Variants in HECW1 observed in about 807,000 individuals in gnomAD.
HECW1 encodes the protein E3 ubiquitin-protein ligase HECW1.
HECW1 carries 61 observed loss-of-function variants against 182.3 expected under a neutral mutation model. That is an observed-to-expected ratio of 0.33 (90% CI 0.27 to 0.41). The LOEUF is 0.41. Ranked by LOEUF, HECW1 falls within the 10% of genes least tolerant of loss-of-function variation. HECW1 has a pLI of 1.00. For missense variants in HECW1, 1,739 were observed against 2,108.9 expected, an observed-to-expected ratio of 0.82 and a Z score of 3.44; for synonymous variants, 859 against 832.6, an observed-to-expected ratio of 1.03 and a Z score of -0.55.
intron 3 of HECW1, among the ~76,000 whole-genome samples, chr7:43,248,268 G>T (rs1799639234): frequency 6.6e-6 from 1 of 152,140 alleles, no homozygotes; most frequent in Admixed American, 6.5e-5. Context: ...CACAGAATGG[G>T]CATTGTTACA....
chr7:43,508,517 T>G (rs570708534), intron 23 of HECW1, among the ~76,000 whole-genome samples: 2 of 152,270 alleles, frequency 1.3e-5, no homozygotes, highest in East Asian at 3.9e-4. Context: ...ACCTCAACCA[T>G]GAAGGGCAAG....
intron 24 of HECW1, among the ~76,000 whole-genome samples, chr7:43,517,545 A>T (rs1255048254): frequency 3.3e-5 from 5 of 152,196 alleles, no homozygotes; most frequent in African/African-American, 1.2e-4. Flanking sequence ...CCCGGATAAC[A>T]CATTTTAAAT....
At position 43,432,746 on chromosome 7, in the gene HECW1, C is replaced by T. The variant is rs564079803; in HGVS notation, c.802-5257C>T. On this transcript the variant is annotated intron_variant, in intron 8 of 29. Coordinates refer to ENST00000395891, the MANE Select transcript of HECW1 (RefSeq NM_015052.5). This position sits in a 1 kb window ranked among gnomAD's most constrained non-coding sequence, Gnocchi z 4.1. ...ACTCTCCTAATCTCTGCCTAAATTG[C>T]TCATTATGCAACTGCTACCAGTTTA... Among the ~76,000 whole-genome samples, 33 of 152,212 alleles carry T rather than the reference C, an allele frequency of 2.2e-4. No individual in the cohort carries two copies. Among genetic ancestry groups the T allele is most frequent in the Non-Finnish European group, 4.3e-4 (29 of 68,034 alleles).
chr7:43,507,408 T>A, intron 22 of HECW1, 151 bp downstream of exon 22: 1 of 688,288 alleles, frequency 1.5e-6, no homozygotes, highest in Non-Finnish European at 2.3e-6. Context: ...GTTGGGAAGC[T>A]GGAAGGAAAG....
At chr7:43,225,807 C>G (rs57755987) in intron 2 of HECW1, among the ~76,000 whole-genome samples, 33,858 of 151,196 alleles carry the variant, frequency 0.22, 4,131 homozygotes, top group Non-Finnish European at 0.27. Flanking sequence ...TTTTTTGGGA[C>G]AGGGTCTCAC....
intron 3 of HECW1, among the ~76,000 whole-genome samples, chr7:43,247,314 G>C (rs1008003539): frequency 2.0e-5 from 3 of 152,174 alleles, no homozygotes; most frequent in Non-Finnish European, 4.4e-5. Flanking sequence ...GAAGAATAGG[G>C]CACTAAAATT....
At chr7:43,148,710 T>G (rs1366943893) in intron 2 of HECW1, 2 of 152,022 alleles carry the variant, frequency 1.3e-5, no homozygotes, top group Non-Finnish European at 2.9e-5. Flanking sequence ...GGTCTGGCTC[T>G]GCTGCTAACT....
chr7:43,304,778 G>C (rs1267317124), intron 3 of HECW1, among the ~76,000 whole-genome samples: 1 of 152,216 alleles, frequency 6.6e-6, no homozygotes, highest in Non-Finnish European at 1.5e-5. Flanking sequence ...ACAGGCGTGA[G>C]CCATAGCACC....
chr7:43,359,463 T>C (rs924645519), intron 5 of HECW1, among the ~76,000 whole-genome samples: 2 of 152,242 alleles, frequency 1.3e-5, no homozygotes, highest in Non-Finnish European at 2.9e-5. Context: ...GAGAAAAGCC[T>C]GAATTTCCAA....
chr7:43,220,002 A>G (rs893806828), intron 2 of HECW1, among the ~76,000 whole-genome samples: 2 of 152,150 alleles, frequency 1.3e-5, no homozygotes, highest in Non-Finnish European at 2.9e-5. Context: ...TCTGACACCA[A>G]CTACCTGGTG....
intron 2 of HECW1, among the ~76,000 whole-genome samples, chr7:43,194,843 GC>G (rs1251398772): frequency 6.6e-6 from 1 of 152,000 alleles, no homozygotes; most frequent in African/African-American, 2.4e-5. Context: ...ACAGGCGCCT[GC>G]CCCCACACCT....
intron 11 of HECW1, among the ~76,000 whole-genome samples, chr7:43,450,118 C>T (rs150808907): frequency 2.1e-3 from 313 of 152,262 alleles, no homozygotes; most frequent in African/African-American, 6.9e-3. Flanking sequence ...CTGTCGCCGT[C>T]TTTCTGCTTT....
At chr7:43,499,292 A>C (rs1293215568) in intron 19 of HECW1, among the ~76,000 whole-genome samples, 4 of 152,082 alleles carry the variant, frequency 2.6e-5, no homozygotes, top group Non-Finnish European at 5.9e-5. Flanking sequence ...CAAAAAAATA[A>C]AAAATTTTTT....
At chr7:43,307,212 T>A (rs1057148385) in intron 3 of HECW1, among the ~76,000 whole-genome samples, 2 of 152,230 alleles carry the variant, frequency 1.3e-5, no homozygotes, top group Admixed American at 6.5e-5. Flanking sequence ...ATGCTTGACA[T>A]AGCCCGTAAC....
At chr7:43,379,734 C>A (rs112372652) in intron 6 of HECW1, among the ~76,000 whole-genome samples, 1 of 152,272 alleles carries the variant, frequency 6.6e-6, no homozygotes, top group Non-Finnish European at 1.5e-5. Context: ...CTCCCTCCCC[C>A]CATTTAGATC....
chr7:43,508,641 G>A (rs1191630264), intron 23 of HECW1: 2 of 325,046 alleles, frequency 6.2e-6, no homozygotes, highest in Non-Finnish European at 1.1e-5. Flanking sequence ...ATTCTTTTAT[G>A]TGTCCCACAA....
At chr7:43,366,573 T>G (rs1816678332) in intron 6 of HECW1, among the ~76,000 whole-genome samples, 1 of 152,200 alleles carries the variant, frequency 6.6e-6, no homozygotes, top group Non-Finnish European at 1.5e-5. Context: ...CTACCTAGAA[T>G]TGTTAGACAT....
chr7:43,296,161 A>G (rs747844003), intron 3 of HECW1, among the ~76,000 whole-genome samples: 1 of 152,224 alleles, frequency 6.6e-6, no homozygotes, highest in Admixed American at 6.5e-5. Flanking sequence ...TTAACCATTT[A>G]AAAAAGCAGA....
At chr7:43,313,971 T>C (rs1808869226) in intron 4 of HECW1, among the ~76,000 whole-genome samples, 1 of 152,064 alleles carries the variant, frequency 6.6e-6, no homozygotes, top group East Asian at 1.9e-4. Context: ...TTGGTTTTGG[T>C]TTTGGTTTGT....
Sources: gnomAD v4.1 joint callset for allele counts (sites outside exome capture counted in the v4.1 genomes callset) on GRCh38, gnomAD v4.1.1 for gene constraint, Gnocchi (gnomAD v3.1) non-coding constraint, MANE v1.5 for transcripts, NCBI Gene and HGNC (gene_info 2026-07-23, HGNC 2026-07-21) for gene names.